The following ADGRL3 variants were observed in gnomAD, a reference collection of about 807,000 sequenced individuals.
ADGRL3 encodes the protein calcium-independent alpha-latrotoxin receptor 3.
A neutral mutation model predicts 153.5 loss-of-function variants in ADGRL3; 62 were observed. The ratio of observed to expected loss-of-function variants is 0.40; its 90% CI spans 0.33 to 0.50. ADGRL3 has a LOEUF of 0.50. Ranked by LOEUF, ADGRL3 falls within the 20% of genes least tolerant of loss-of-function variation. The pLI is 0.47. For synonymous variants in ADGRL3, 710 were observed against 672.5 expected (o/e 1.06, Z -0.86); for missense variants, 1,641 against 1,859.4 (o/e 0.88, Z 2.16).
chr4:61,691,987 A>G (rs948739698), intron 6 of ADGRL3, among the ~76,000 whole-genome samples: 6 of 152,176 alleles, frequency 3.9e-5, no homozygotes, highest in African/African-American at 1.4e-4. Flanking sequence ...ACGACAGCTC[A>G]GGAAACAATT....
rs149701600 is a variant in ADGRL3, at chr4:62,070,197, C to T, written c.3921C>T (p.Ser1307=). The change falls in exon 27 of 27, where the codon AGC becomes AGT. Residue 1307 remains serine (S), a synonymous_variant. Coordinates refer to ENST00000683033, the MANE Select transcript of ADGRL3 (RefSeq NM_001387552.1). The part of the protein sequence containing the change: ...GNHGNSYSIA[S]GEYLSNCVQI... ...ATGGCAATAGTTACAGCATTGCCAG[C>T]GGCGAATACCTGAGCAACTGTGTGC... is the stretch of plus-strand genomic sequence containing the variant. 2,014 of 1,613,838 alleles carry T rather than the reference C, an allele frequency of 1.2e-3. 4 individuals are homozygous for T. The highest frequency in any genetic ancestry group is 1.5e-3 in the Non-Finnish European group (1,716 of 1,179,900).
At chr4:61,609,531 T>C (rs949760591) in intron 5 of ADGRL3, among the ~76,000 whole-genome samples, 1 of 152,090 alleles carries the variant, frequency 6.6e-6, no homozygotes, top group African/African-American at 2.4e-5. Context: ...ACACCCAAAA[T>C]ACTTAGGATT....
intron 1 of ADGRL3, among the ~76,000 whole-genome samples, chr4:61,360,608 G>C (rs1328946066): frequency 1.3e-5 from 2 of 151,974 alleles, no homozygotes; most frequent in Non-Finnish European, 2.9e-5. Context: ...TTCTTTCCTG[G>C]AATGAGTCAA....
At chr4:61,377,275 C>G (rs753099360) in intron 1 of ADGRL3, among the ~76,000 whole-genome samples, 3 of 152,064 alleles carry the variant, frequency 2.0e-5, no homozygotes, top group Non-Finnish European at 4.4e-5. Context: ...CAATATATTT[C>G]TTCCCTTCCT....
At chr4:61,289,897 G>A (rs149288364) in intron 1 of ADGRL3, among the ~76,000 whole-genome samples, 143 of 152,172 alleles carry the variant, frequency 9.4e-4, no homozygotes, top group African/African-American at 3.2e-3. Context: ...TGTTATGAAG[G>A]TTAAACAAAA....
intron 4 of ADGRL3, among the ~76,000 whole-genome samples, chr4:61,529,927 G>A (rs2152952320): frequency 6.6e-6 from 1 of 152,206 alleles, no homozygotes; most frequent in South Asian, 2.1e-4. Context: ...GAAGGGCTTT[G>A]AAATCACTAC....
At chr4:61,946,042 A>G (rs2098921894) in intron 15 of ADGRL3, among the ~76,000 whole-genome samples, 1 of 152,204 alleles carries the variant, frequency 6.6e-6, no homozygotes, top group African/African-American at 2.4e-5. Flanking sequence ...AGTTTGGGCT[A>G]TTAAGAATAA....
At chr4:61,907,207 A>C (rs2098699961) in intron 11 of ADGRL3, among the ~76,000 whole-genome samples, 1 of 152,090 alleles carries the variant, frequency 6.6e-6, no homozygotes, top group Non-Finnish European at 1.5e-5. Context: ...AAGTAAGAGG[A>C]GGAATGCATC....
chr4:61,286,830 T>G (rs148662858), intron 1 of ADGRL3, among the ~76,000 whole-genome samples: 1 of 151,928 alleles, frequency 6.6e-6, no homozygotes, highest in East Asian at 1.9e-4. Context: ...TTGGGAATCA[T>G]CTTTCTTTAA....
intron 5 of ADGRL3, among the ~76,000 whole-genome samples, chr4:61,623,857 T>G (rs1379215836): frequency 6.6e-6 from 1 of 152,062 alleles, no homozygotes; most frequent in Non-Finnish European, 1.5e-5. Flanking sequence ...GTGGGTGTCA[T>G]GTGTAACCCC....
chr4:61,646,944 G>A (rs1436035192), intron 5 of ADGRL3, among the ~76,000 whole-genome samples: 1 of 152,192 alleles, frequency 6.6e-6, no homozygotes. Flanking sequence ...GTGGGCGTAG[G>A]ACCCTCCGAG....
rs1553879258 is a variant in ADGRL3 at position 61,909,759 on chromosome 4, T to TTGTGTGTG, written c.2073+15_2073+16insGTGTGTGT. The TTGTGTGTG allele has an allele frequency of 2.8e-6, 3 of 1,073,460 alleles. No individual in the cohort carries two copies. Among genetic ancestry groups the TTGTGTGTG allele is most frequent in the Middle Eastern group, 2.5e-4 (1 of 4,042 alleles). 66.5% of individuals were successfully genotyped at this position (1,073,460 alleles called of 1,614,324 possible). ...AGTTTGAACAAGGTAAGGACCCTAA[T>TTGTGTGTG]TATGTGTGTGTGTGTGTGTGTGTGT... On this transcript the variant is annotated intron_variant, in intron 12 of 26. Coordinates refer to ENST00000683033, the MANE Select transcript of ADGRL3 (RefSeq NM_001387552.1).
intron 4 of ADGRL3, among the ~76,000 whole-genome samples, chr4:61,543,163 C>T (rs1286354617): frequency 6.7e-6 from 1 of 150,306 alleles, no homozygotes; most frequent in East Asian, 2.0e-4. Flanking sequence ...TCGACTTCCC[C>T]AGAAATATCC....
intron 19 of ADGRL3, among the ~76,000 whole-genome samples, chr4:61,986,062 A>T (rs1169482241): frequency 1.3e-5 from 2 of 151,626 alleles, no homozygotes; most frequent in African/African-American, 4.8e-5. Flanking sequence ...CATACACTTC[A>T]GTTGTTTTTA....
At chr4:61,723,347 A>T (rs1042977034) in intron 6 of ADGRL3, among the ~76,000 whole-genome samples, 3 of 152,192 alleles carry the variant, frequency 2.0e-5, no homozygotes, top group African/African-American at 7.2e-5. Flanking sequence ...TCTCACACGG[A>T]TAAGATTAAT....
intron 6 of ADGRL3, among the ~76,000 whole-genome samples, chr4:61,679,650 T>C (rs1390543484): frequency 6.6e-6 from 1 of 152,076 alleles, no homozygotes; most frequent in African/African-American, 2.4e-5. Flanking sequence ...TTTTACAAGA[T>C]CCTCCTTGTT....
At chr4:61,473,530 G>A (rs944566515) in intron 2 of ADGRL3, among the ~76,000 whole-genome samples, 2 of 151,944 alleles carry the variant, frequency 1.3e-5, no homozygotes, top group Non-Finnish European at 2.9e-5. Flanking sequence ...GTTTGGACAA[G>A]TTTCTAAAAG....
At chr4:61,555,967 A>G (rs777179268) in intron 4 of ADGRL3, among the ~76,000 whole-genome samples, 2 of 152,050 alleles carry the variant, frequency 1.3e-5, no homozygotes, top group Non-Finnish European at 2.9e-5. Context: ...TTTTATCAGC[A>G]AGGTCTTTAT....
At chr4:61,251,876 T>A (rs538832537) in intron 1 of ADGRL3, among the ~76,000 whole-genome samples, 1 of 146,764 alleles carries the variant, frequency 6.8e-6, no homozygotes. Context: ...TCTTTTTTTT[T>A]TTAATTTTTT....
Sources: gnomAD v4.1 joint callset for allele counts (sites outside exome capture counted in the v4.1 genomes callset) on GRCh38, gnomAD v4.1.1 for gene constraint, MANE v1.5 for transcripts, NCBI Gene and HGNC (gene_info 2026-07-23, HGNC 2026-07-21) for gene names.